HOXC11: variants seen among roughly 807,000 people sequenced by gnomAD.
HOXC11 encodes homeobox C11.
HOXC11 carries 17 observed loss-of-function variants against 23.6 expected under a neutral mutation model. That is an observed-to-expected ratio of 0.72 (90% CI 0.49 to 1.08). The LOEUF is 1.08. Among genes scored for constraint, HOXC11 ranks in the 50% least tolerant of loss-of-function variants. The pLI is 0.00. For missense variants in HOXC11, 413 were observed against 412.1 expected (o/e 1.00, Z -0.02); for synonymous variants, 196 against 183.8 (o/e 1.07, Z -0.54).
chr12:53,975,519 A>G lies in HOXC11; in HGVS notation c.*106A>G. 1 of 873,094 alleles carries G rather than the reference A, an allele frequency of 1.1e-6. No homozygotes were observed. Among genetic ancestry groups the G allele is most frequent in the African/African-American group, 1.7e-5 (1 of 59,946 alleles). 54.1% of individuals were successfully genotyped at this position (873,094 alleles called of 1,614,324 possible). Reference sequence around the variant, plus strand: ...CTTCTTTCCGCCGGTGGAAAACTGGACTGTGGCCAGGGCTGGCCCCCACCG... The same window carrying G: ...CTTCTTTCCGCCGGTGGAAAACTGGGCTGTGGCCAGGGCTGGCCCCCACCG... On this transcript the variant is annotated 3_prime_UTR_variant, in exon 2 of 2. Transcript: ENST00000546378.
In HOXC11 at chr12:53,975,557, C is replaced by T; in HGVS notation, c.*144C>T. The T allele has an allele frequency of 1.4e-6, 1 of 712,092 alleles. No homozygotes were observed. Among genetic ancestry groups the T allele is most frequent in the East Asian group, 2.7e-5 (1 of 36,976 alleles). 44.1% of individuals were successfully genotyped at this position (712,092 alleles called of 1,614,324 possible). ...CTGGCCCCCACCGCTGTGGCCGGCA[C>T]TCCATTCCGGAACCTCCTGGACCCT... On this transcript the variant is annotated 3_prime_UTR_variant, in exon 2 of 2. Transcript: ENST00000546378.
At position 53,973,898 on chromosome 12, in the gene HOXC11, G is replaced by A. The variant is rs1162617576; in HGVS notation, c.657G>A (p.Lys219=). 24 of 1,447,456 alleles carry A rather than the reference G, an allele frequency of 1.7e-5. No homozygotes were observed. The South Asian group carries it at 2.8e-4, about 17-fold the overall frequency. 89.7% of individuals were successfully genotyped at this position (1,447,456 alleles called of 1,614,324 possible). The change falls in exon 1 of 2, where the codon AAG becomes AAA. Residue 219 remains lysine (K), a synonymous_variant. Transcript: ENST00000546378. This position sits in a 1 kb window ranked among gnomAD's most constrained non-coding sequence, Gnocchi z 4.3. ...CCGGTTCAGCCCACTCCGTGGCCAA[G>A]GAGCCGGCCAAAGGAGCCGCCCCCA... ...SSSGSAHSVA[K]EPAKGAAPNA...
rs891810039 is a variant in HOXC11, at chr12:53,977,158, C to T, written c.*1745C>T. 1 of 152,216 alleles carries T rather than the reference C, an allele frequency of 6.6e-6. No homozygotes were observed. Among genetic ancestry groups the T allele is most frequent in the Non-Finnish European group, 1.5e-5 (1 of 68,066 alleles). 9.4% of individuals were successfully genotyped at this position (152,216 alleles called of 1,614,324 possible). A position where few individuals can be genotyped will look rare whatever the true frequency, so the allele number is the denominator to read the frequency against. ...GGAGATGACCTGCGGGGACAGTCAC[C>T]ATACCCATCTATATTTGCTGCATGT... On this transcript the variant is annotated 3_prime_UTR_variant, in exon 2 of 2. Transcript: ENST00000546378.
intron 1 of HOXC11, 198 bp from the exon 2 acceptor site, chr12:53,974,983 G>A (rs973490463): frequency 6.9e-5 from 39 of 562,638 alleles, no homozygotes; most frequent in Admixed American, 1.3e-4. Context: ...TGGCGGGGGG[G>A]TGGGGACCCG....
rs777525401 is a variant in HOXC11, at chr12:53,975,459, T to G, written c.*46T>G. On this transcript the variant is annotated 3_prime_UTR_variant, in exon 2 of 2. Coordinates refer to ENST00000546378, the MANE Select transcript of HOXC11 (RefSeq NM_014212.4). ...GGGGGCGGGGGGAGGGGAAAATTAT[T>G]TTATTTTATTTTTATTTTTTATTTT... The G allele has an allele frequency of 9.9e-7, 1 of 1,012,054 alleles. No individual in the cohort carries two copies. Among genetic ancestry groups the G allele is most frequent in the South Asian group, 1.3e-5 (1 of 74,592 alleles). The allele number at this position is 1,012,054 out of a possible 1,614,324, so 62.7% of individuals were successfully genotyped here.
rs1189947083 is a variant in HOXC11 at position 53,977,287 on chromosome 12, ACTCAT to A, written c.*1882_*1886del. On this transcript the variant is annotated 3_prime_UTR_variant, in exon 2 of 2. Coordinates refer to ENST00000546378, the MANE Select transcript of HOXC11 (RefSeq NM_014212.4). ...TATTTGGGGGCAGAGGTTCAGGACA[ACTCAT>A]CTCATCTTTCCCTCCTCTTTCTGTC... The A allele has an allele frequency of 6.6e-6, 1 of 152,116 alleles. No homozygotes were observed. Among genetic ancestry groups the A allele is most frequent in the East Asian group, 1.9e-4 (1 of 5,200 alleles). 9.4% of individuals were successfully genotyped at this position (152,116 alleles called of 1,614,324 possible).
Position 53,973,420 on chromosome 12 carries a change from C to T in HOXC11, c.179C>T (p.Ser60Phe), listed in dbSNP as rs1565714101. 1 of 1,614,114 alleles carries T rather than the reference C, an allele frequency of 6.2e-7. No homozygotes were observed. Among genetic ancestry groups the T allele is most frequent in the Admixed American group, 1.7e-5 (1 of 60,016 alleles). Residue 60 changes from serine (S) to phenylalanine (F), a missense_variant, in exon 1 of 2, where the codon TCC becomes TTC. Ser to Phe is a radical substitution (Grantham distance 155, BLOSUM62 -2). Transcript: ENST00000546378. This position sits in a 1 kb window ranked among gnomAD's most constrained non-coding sequence, Gnocchi z 4.3. ...CCCCAGGCCCCCTCTCGTCAGATCT[C>T]CTATCCCTACTCGGCCCAAGTGCCC... The part of the protein sequence containing the change: ...FLPQAPSRQI[S>F]YPYSAQVPPV...
chr12:53,975,530 G>C lies in HOXC11; in HGVS notation c.*117G>C. 1 of 798,516 alleles carries C rather than the reference G, an allele frequency of 1.3e-6. No homozygotes were observed. Among genetic ancestry groups the C allele is most frequent in the Non-Finnish European group, 2.1e-6 (1 of 474,238 alleles). The allele number at this position is 798,516 out of a possible 1,614,324, so 49.5% of individuals were successfully genotyped here. The stretch of plus-strand genomic sequence containing the variant: ...CGGTGGAAAACTGGACTGTGGCCAG[G>C]GCTGGCCCCCACCGCTGTGGCCGGC... On this transcript the variant is annotated 3_prime_UTR_variant, in exon 2 of 2. Coordinates refer to ENST00000546378, the MANE Select transcript of HOXC11 (RefSeq NM_014212.4).
rs1344188873 is a variant in HOXC11, at chr12:53,976,364, G to A, written c.*951G>A. 4.6e-6 allele frequency: 1 copy of A among 215,790 alleles called. No homozygotes were observed. The highest frequency in any genetic ancestry group is 2.3e-5 in the African/African-American group (1 of 44,240). The allele number at this position is 215,790 out of a possible 1,614,324, so 13.4% of individuals were successfully genotyped here. On this transcript the variant is annotated 3_prime_UTR_variant, in exon 2 of 2. Transcript: ENST00000546378. ...CTCCCCACCCTGCTCCCTTCCCAGA[G>A]GGATTGCTGTGAAATTTTTTTGGTG...
In HOXC11 at chr12:53,975,922, T is replaced by G; in HGVS notation, c.*509T>G. ...ATCCTGCCTTGCTGTGAAATTTCTG[T>G]ACCTTCAACCTGGTGTTAGGTGTGC... is the stretch of plus-strand genomic sequence containing the variant. On this transcript the variant is annotated 3_prime_UTR_variant, in exon 2 of 2. Transcript: ENST00000546378. The G allele has an allele frequency of 7.6e-6, 2 of 263,988 alleles. No homozygotes were observed. Among genetic ancestry groups the G allele is most frequent in the Non-Finnish European group, 7.1e-6 (1 of 140,544 alleles). The allele number at this position is 263,988 out of a possible 1,614,324, so 16.4% of individuals were successfully genotyped here.
chr12:53,975,460 T>C lies in HOXC11; in HGVS notation c.*47T>C. ...GGGGCGGGGGGAGGGGAAAATTATT[T>C]TATTTTATTTTTATTTTTTATTTTC... On this transcript the variant is annotated 3_prime_UTR_variant, in exon 2 of 2. Transcript: ENST00000546378. 1 of 1,029,780 alleles carries C rather than the reference T, an allele frequency of 9.7e-7. No individual in the cohort carries two copies. Among genetic ancestry groups the C allele is most frequent in the South Asian group, 1.3e-5 (1 of 74,984 alleles). The allele number at this position is 1,029,780 out of a possible 1,614,324, so 63.8% of individuals were successfully genotyped here.
At position 53,975,429 on chromosome 12, in the gene HOXC11, C is replaced by G; in HGVS notation, c.*16C>G. The G allele has an allele frequency of 6.8e-7, 1 of 1,467,746 alleles. No homozygotes were observed. Among genetic ancestry groups the G allele is most frequent in the Non-Finnish European group, 9.5e-7 (1 of 1,053,058 alleles). 90.9% of individuals were successfully genotyped at this position (1,467,746 alleles called of 1,614,324 possible). Reference sequence around the variant, plus strand: ...TCTGCTGTAACCTGCAGACCGGGCCCTTTTGGGGGCGGGGGGAGGGGAAAA... The same window carrying G: ...TCTGCTGTAACCTGCAGACCGGGCCGTTTTGGGGGCGGGGGGAGGGGAAAA... On this transcript the variant is annotated 3_prime_UTR_variant, in exon 2 of 2. Coordinates refer to ENST00000546378, the MANE Select transcript of HOXC11 (RefSeq NM_014212.4).
chr12:53,974,926 C>G, intron 1 of HOXC11: 1 of 499,562 alleles, frequency 2.0e-6, no homozygotes, highest in Non-Finnish European at 3.5e-6. Context: ...GTCCCAGACC[C>G]TGTCAGCCGC....
chr12:53,976,105 A>G lies in HOXC11; in HGVS notation c.*692A>G, dbSNP rs892914088. The G allele has an allele frequency of 3.8e-5, 8 of 210,992 alleles. No homozygotes were observed. Among genetic ancestry groups the G allele is most frequent in the Non-Finnish European group, 6.5e-5 (7 of 107,276 alleles). 13.1% of individuals were successfully genotyped at this position (210,992 alleles called of 1,614,324 possible). ...TGCCCCACTTCATGGATTTATAGCT[A>G]TAGTCTATGCAGTCGTTACCTCTTT... On this transcript the variant is annotated 3_prime_UTR_variant, in exon 2 of 2. Coordinates refer to ENST00000546378, the MANE Select transcript of HOXC11 (RefSeq NM_014212.4).
intron 1 of HOXC11, among the ~76,000 whole-genome samples, chr12:53,974,617 G>A (rs1939219348): frequency 6.6e-6 from 1 of 151,986 alleles, no homozygotes; most frequent in Non-Finnish European, 1.5e-5. Context: ...CGCGGCCTTA[G>A]TGCTTGCCTA....
At position 53,975,403 on chromosome 12, in the gene HOXC11, C is replaced by T. The variant is rs1349577264; in HGVS notation, c.905C>T (p.Pro302Leu). 2 of 1,610,238 alleles carry T rather than the reference C, an allele frequency of 1.2e-6. No individual in the cohort carries two copies. The highest frequency in any genetic ancestry group is 1.3e-5 in the African/African-American group (1 of 74,776). ...RDRLQYFSGN[P>L]LL is the part of the protein sequence containing the mutation. Reference sequence around the variant, plus strand: ...CGGCTGCAGTATTTCTCGGGAAATCCTCTGCTGTAACCTGCAGACCGGGCC... The same window carrying T: ...CGGCTGCAGTATTTCTCGGGAAATCTTCTGCTGTAACCTGCAGACCGGGCC... The change falls in exon 2 of 2, where the codon CCT becomes CTT. Residue 302 changes from proline to leucine, a missense_variant. By Grantham distance (98) the Pro-to-Leu change is moderately conservative. Transcript: ENST00000546378.
Position 53,975,588 on chromosome 12 carries a change from T to G in HOXC11, c.*175T>G, listed in dbSNP as rs1939242111. 1.5e-6 allele frequency: 1 copy of G among 663,180 alleles called. No homozygotes were observed. Among genetic ancestry groups the G allele is most frequent in the Non-Finnish European group, 2.7e-6 (1 of 372,400 alleles). 41.1% of individuals were successfully genotyped at this position (663,180 alleles called of 1,614,324 possible). The stretch of plus-strand genomic sequence containing the variant: ...TCCGGAACCTCCTGGACCCTCTATC[T>G]GACTCTCGCTGTGGGACAGGGACCG... On this transcript the variant is annotated 3_prime_UTR_variant, in exon 2 of 2. Transcript: ENST00000546378.
rs1344827840 is a variant in HOXC11, at chr12:53,975,571, C to A, written c.*158C>A. On this transcript the variant is annotated 3_prime_UTR_variant, in exon 2 of 2. Coordinates refer to ENST00000546378, the MANE Select transcript of HOXC11 (RefSeq NM_014212.4). ...TGTGGCCGGCACTCCATTCCGGAAC[C>A]TCCTGGACCCTCTATCTGACTCTCG... 3 of 680,822 alleles carry A rather than the reference C, an allele frequency of 4.4e-6. No individual in the cohort carries two copies. The highest frequency in any genetic ancestry group is 7.9e-6 in the Non-Finnish European group (3 of 381,556). 42.2% of individuals were successfully genotyped at this position (680,822 alleles called of 1,614,324 possible). A position where few individuals can be genotyped will look rare whatever the true frequency, so the allele number is the denominator to read the frequency against.
Position 53,973,567 on chromosome 12 carries a change from C to T in HOXC11, c.326C>T (p.Thr109Ile). 6.2e-7 allele frequency: 1 copy of T among 1,613,256 alleles called. No individual in the cohort carries two copies. Among genetic ancestry groups the T allele is most frequent in the Non-Finnish European group, 8.5e-7 (1 of 1,180,026 alleles). Residue 109 changes from threonine to isoleucine, a missense_variant, in exon 1 of 2, where the codon ACC (threonine) becomes ATC (isoleucine). Thr to Ile is a moderately conservative substitution (Grantham distance 89). Transcript: ENST00000546378. The surrounding 1 kb of genome is among the most constrained non-coding windows in gnomAD (Gnocchi z 4.3). The stretch of plus-strand genomic sequence containing the variant: ...CACCGGGAGTGCCTGCCTCCTTCCA[C>T]CGTCACCGAGATCCTCATGAAAAAC... ...LMHRECLPPS[T>I]VTEILMKNEG...
Sources: gnomAD v4.1 joint callset for allele counts (sites outside exome capture counted in the v4.1 genomes callset) on GRCh38, gnomAD v4.1.1 for gene constraint, Gnocchi (gnomAD v3.1) non-coding constraint, MANE v1.5 for transcripts, NCBI Gene and HGNC (gene_info 2026-07-23, HGNC 2026-07-21) for gene names.